Variants in TMPRSS11A observed in about 807,000 individuals in gnomAD.
TMPRSS11A encodes transmembrane protease serine 11A.
TMPRSS11A carries 53 observed loss-of-function variants against 58.9 expected under a neutral mutation model. The ratio of observed to expected loss-of-function variants is 0.90; its 90% CI spans 0.72 to 1.13. The LOEUF (loss-of-function observed/expected upper bound fraction) is 1.13. TMPRSS11A is among the 50% of genes most tolerant of loss of function. The pLI is 0.00. For synonymous variants in TMPRSS11A, 167 were observed against 169.8 expected, an observed-to-expected ratio of 0.98 and a Z score of 0.13; for missense variants, 493 against 499.3, an observed-to-expected ratio of 0.99 and a Z score of 0.12.
At chr4:67,922,327 T>C (rs1210112887) in intron 7 of TMPRSS11A, among the ~76,000 whole-genome samples, 1 of 152,250 alleles carries the variant, frequency 6.6e-6, no homozygotes, top group Non-Finnish European at 1.5e-5. Flanking sequence ...CCGGCATTTA[T>C]TGAAAATTTC....
Position 67,911,369 on chromosome 4 carries a change from GT to G in TMPRSS11A, c.1229del (p.Asn410ThrfsTer13), listed in dbSNP as rs776762233. On this transcript the variant is annotated frameshift_variant, in exon 10 of 10. Transcript: ENST00000508048. LOFTEE classifies it high-confidence loss of function. ...GVYTQVTYYR[N>X]WIASKTGI ...AGATGCCTGTTTTTGAAGCAATCCA[GT>G]TTCGGTAATAAGTCACTTGTGTGTA... The G allele has an allele frequency of 2.2e-5, 35 of 1,613,142 alleles. No individual in the cohort carries two copies. Among genetic ancestry groups the G allele is most frequent in the Non-Finnish European group, 1.8e-5 (21 of 1,179,506 alleles).
chr4:67,945,754 G>A (rs948239535), intron 2 of TMPRSS11A, among the ~76,000 whole-genome samples: 2 of 152,166 alleles, frequency 1.3e-5, no homozygotes, highest in African/African-American at 4.8e-5. Flanking sequence ...CCATGTGAGA[G>A]TCACATTGTA....
At chr4:67,961,517 T>TGAGACAGAG (rs1721427958) in intron 1 of TMPRSS11A, among the ~76,000 whole-genome samples, 3 of 42,686 alleles carry the variant, frequency 7.0e-5, no homozygotes, top group Admixed American at 2.3e-4. Context: ...TTTTTTTTTT[T>TGAGACAGAG]TTTTTTTTTT....
intron 7 of TMPRSS11A, among the ~76,000 whole-genome samples, chr4:67,921,568 C>T (rs976219411): frequency 6.6e-6 from 1 of 152,044 alleles, no homozygotes; most frequent in African/African-American, 2.4e-5. Flanking sequence ...CTCGGCCTCC[C>T]AAAATGCTGG....
chr4:67,943,463 A>C (rs1720926364), intron 3 of TMPRSS11A, among the ~76,000 whole-genome samples: 1 of 152,038 alleles, frequency 6.6e-6, no homozygotes, highest in South Asian at 2.1e-4. Flanking sequence ...TGCATCGAGG[A>C]GGTTATGTGG....
rs1393918127 is a variant in TMPRSS11A, at chr4:67,910,179, T to G, written c.*1163A>C. On this transcript the variant is annotated 3_prime_UTR_variant, in exon 10 of 10. Transcript: ENST00000508048. ...GACACGTTGCTGATGGAGTATGTTT[T>G]CTCTTGTGGACCACATATAACAAAG... is the stretch of plus-strand genomic sequence containing the variant. 6.6e-6 allele frequency: 1 copy of G among 152,010 alleles called. No individual in the cohort carries two copies. The highest frequency in any genetic ancestry group is 1.5e-5 in the Non-Finnish European group (1 of 67,930). 9.4% of individuals were successfully genotyped at this position (152,010 alleles called of 1,614,324 possible). A position where few individuals can be genotyped will look rare whatever the true frequency, so the allele number is the denominator to read the frequency against.
intron 3 of TMPRSS11A, among the ~76,000 whole-genome samples, chr4:67,941,440 T>C (rs1384803438): frequency 6.6e-6 from 1 of 152,158 alleles, no homozygotes; most frequent in Non-Finnish European, 1.5e-5. Flanking sequence ...GGTTTTGAAG[T>C]TTTTCTGTAC....
intron 3 of TMPRSS11A, among the ~76,000 whole-genome samples, chr4:67,935,923 A>T: frequency 6.6e-6 from 1 of 152,102 alleles, no homozygotes; most frequent in Non-Finnish European, 1.5e-5. Flanking sequence ...TAATAGTGGG[A>T]ATCACTGTTG....
At chr4:67,911,966 C>A (rs189710557) in intron 9 of TMPRSS11A, among the ~76,000 whole-genome samples, 39 of 152,246 alleles carry the variant, frequency 2.6e-4, no homozygotes, top group African/African-American at 9.4e-4. Context: ...AACTTCTTTG[C>A]AACTTTTCCA....
chr4:67,922,904 T>A lies in TMPRSS11A; in HGVS notation c.543A>T (p.Pro181=), dbSNP rs752655845. The A allele has an allele frequency of 9.9e-6, 16 of 1,614,068 alleles. No individual in the cohort carries two copies. In the African/African-American group the frequency reaches 1.5e-4, roughly 15 times the overall value. Residue 181 remains proline, a synonymous_variant, in exon 7 of 10, where the codon CCA becomes CCT. Coordinates refer to ENST00000508048, the MANE Select transcript of TMPRSS11A (RefSeq NM_001114387.2). ...VQASCGKRVV[P]LNVNRIASGV... is the part of the protein sequence containing the mutation. ...CAGATGCTATTCTGTTGACGTTTAATGGAACAACTCGTTTACCACAACCTG... is the reference window on the plus strand; with the variant it reads ...CAGATGCTATTCTGTTGACGTTTAAAGGAACAACTCGTTTACCACAACCTG...
rs58979976 is a variant in TMPRSS11A at position 67,952,994 on chromosome 4, G to T, written c.12-6423C>A. On this transcript the variant is annotated intron_variant, in intron 1 of 9. Coordinates refer to ENST00000508048, the MANE Select transcript of TMPRSS11A (RefSeq NM_001114387.2). ...AAGTTTTCCATGGACAGGGGTAGGG[G>T]GGGTGGTTTGGTAATGAAATTGTTC... 4.4e-3 allele frequency among the ~76,000 whole-genome samples: 666 copies of T among 152,254 alleles called. 4 individuals are homozygous for T. The highest frequency in any genetic ancestry group is 0.015 in the African/African-American group (621 of 41,536).
chr4:67,942,614 A>G, intron 3 of TMPRSS11A, among the ~76,000 whole-genome samples: 1 of 152,218 alleles, frequency 6.6e-6, no homozygotes, highest in East Asian at 1.9e-4. Context: ...GGACATAGAA[A>G]TCCTCATGCA....
chr4:67,916,328 C>T (rs565122630), intron 8 of TMPRSS11A, among the ~76,000 whole-genome samples: 6 of 151,888 alleles, frequency 4.0e-5, no homozygotes, highest in Non-Finnish European at 7.4e-5. Flanking sequence ...CTTTAGAAGA[C>T]GATTTCCAAG....
rs750623127 is a variant in TMPRSS11A at position 67,922,913 on chromosome 4, T to A, written c.534A>T (p.Arg178=). 1 of 1,614,110 alleles carries A rather than the reference T, an allele frequency of 6.2e-7. No homozygotes were observed. Among genetic ancestry groups the A allele is most frequent in the African/African-American group, 1.3e-5 (1 of 75,056 alleles). Residue 178 remains arginine (R), a synonymous_variant, in exon 7 of 10, where the codon CGA becomes CGT. Coordinates refer to ENST00000508048, the MANE Select transcript of TMPRSS11A (RefSeq NM_001114387.2). The stretch of plus-strand genomic sequence containing the variant: ...TTCTGTTGACGTTTAATGGAACAAC[T>A]CGTTTACCACAACCTGAAAAAAGAT... ...ELTVQASCGK[R]VVPLNVNRIA...
At chr4:67,932,210 G>A in intron 3 of TMPRSS11A, 150 bp from the exon 4 acceptor site, 1 of 546,558 alleles carries the variant, frequency 1.8e-6, no homozygotes, top group Non-Finnish European at 3.2e-6. Flanking sequence ...CAGTGCAACA[G>A]AATCATTTGA....
chr4:67,930,803 C>T (rs1577859210), intron 4 of TMPRSS11A, among the ~76,000 whole-genome samples: 1 of 93,874 alleles, frequency 1.1e-5, no homozygotes, highest in Admixed American at 1.2e-4. Flanking sequence ...GATCTGTTAT[C>T]TCTCCTTTTT....
Position 67,919,031 on chromosome 4 carries a change from T to C in TMPRSS11A, c.894A>G (p.Ala298=). Residue 298 remains alanine (A), a synonymous_variant, in exon 8 of 10, where the codon GCA becomes GCG. Coordinates refer to ENST00000508048, the MANE Select transcript of TMPRSS11A (RefSeq NM_001114387.2). ...GGACAGTCAAATTTGGTTGGAAGGA[T>C]GCAGAGGCTTCTGGCAAACAAATCT... ...IRQICLPEAS[A]SFQPNLTVHI... is the part of the protein sequence containing the mutation. The C allele has an allele frequency of 6.2e-7, 1 of 1,614,176 alleles. No individual in the cohort carries two copies. The highest frequency in any genetic ancestry group is 8.5e-7 in the Non-Finnish European group (1 of 1,180,014).
intron 1 of TMPRSS11A, among the ~76,000 whole-genome samples, chr4:67,955,524 G>T (rs953031999): frequency 2.0e-5 from 3 of 152,124 alleles, no homozygotes; most frequent in Admixed American, 6.5e-5. Context: ...CCTGTGTCAG[G>T]GTCCTGTACA....
At chr4:67,939,206 T>C (rs2109756029) in intron 3 of TMPRSS11A, among the ~76,000 whole-genome samples, 1 of 152,252 alleles carries the variant, frequency 6.6e-6, no homozygotes, top group Non-Finnish European at 1.5e-5. Flanking sequence ...TGTTCTTGAT[T>C]TGGTTCTCAG....
Sources: gnomAD v4.1 joint callset for allele counts (sites outside exome capture counted in the v4.1 genomes callset) on GRCh38, gnomAD v4.1.1 for gene constraint, MANE v1.5 for transcripts, NCBI Gene and HGNC (gene_info 2026-07-23, HGNC 2026-07-21) for gene names.